Variants in GRAMD2B observed in about 807,000 individuals in gnomAD.
GRAMD2B encodes the protein GRAM domain containing 2B.
GRAMD2B carries 41 observed loss-of-function variants against 59.2 expected under a neutral mutation model. The observed-to-expected ratio is 0.69, with a 90% CI of 0.54 to 0.90. GRAMD2B has a LOEUF of 0.90. Ranked by LOEUF, GRAMD2B falls within the 40% of genes least tolerant of loss-of-function variation. GRAMD2B has a pLI of 0.00. For synonymous variants in GRAMD2B, 161 were observed against 182.7 expected, an observed-to-expected ratio of 0.88 and a Z score of 0.96; for missense variants, 424 against 500.5, an observed-to-expected ratio of 0.85 and a Z score of 1.46.
chr5:126,417,151 T>G (rs1373778462), intron 1 of GRAMD2B, among the ~76,000 whole-genome samples: 1 of 152,196 alleles, frequency 6.6e-6, no homozygotes, highest in Non-Finnish European at 1.5e-5. Flanking sequence ...CCCTAGTGAG[T>G]TGGTATTCAC....
chr5:126,419,417 G>A (rs907753415), upstream of GRAMD2B, among the ~76,000 whole-genome samples: 2 of 152,076 alleles, frequency 1.3e-5, no homozygotes, highest in Non-Finnish European at 2.9e-5. Flanking sequence ...ACAGCACTAG[G>A]AGGGTGGTGC....
chr5:126,409,822 G>A (rs1371501968), intron 1 of GRAMD2B, among the ~76,000 whole-genome samples: 1 of 152,154 alleles, frequency 6.6e-6, no homozygotes, highest in Non-Finnish European at 1.5e-5. Flanking sequence ...ATGGTTTTAG[G>A]TCTAATGTTT....
At chr5:126,399,070 T>G (rs993766169) in intron 1 of GRAMD2B, among the ~76,000 whole-genome samples, 1 of 152,212 alleles carries the variant, frequency 6.6e-6, no homozygotes, top group Non-Finnish European at 1.5e-5. Flanking sequence ...AGTATTCTGG[T>G]ACTGTTGAGT....
chr5:126,383,993 C>T (rs1250078902), intron 1 of GRAMD2B, among the ~76,000 whole-genome samples: 4 of 152,194 alleles, frequency 2.6e-5, no homozygotes, highest in South Asian at 2.1e-4. Context: ...TATAGGACAA[C>T]GAGGGAGATC....
intron 5 of GRAMD2B, 152 bp downstream of exon 5, chr5:126,473,520 A>T (rs1318110021): frequency 2.4e-6 from 1 of 424,716 alleles, no homozygotes. Flanking sequence ...AATACTATGC[A>T]TTCTAAATGC....
rs1769735359 is a variant in GRAMD2B at position 126,472,266 on chromosome 5, T to G, written c.344T>G (p.Leu115Trp). Residue 115 changes from leucine (L) to tryptophan (W), a missense_variant, in exon 4 of 14, where the codon TTG becomes TGG. Coordinates refer to ENST00000285689, the MANE Select transcript of GRAMD2B (RefSeq NM_023927.4). ...AAGGCCAATATGCACTTTCACAAGT[T>G]GTTTCTTAGTGTCCCAACGGAGGAA... Reference protein sequence around the residue: ...QYKANMHFHKLFLSVPTEEPL... With the variant: ...QYKANMHFHKWFLSVPTEEPL... The G allele has an allele frequency of 6.2e-7, 1 of 1,613,924 alleles. No individual in the cohort carries two copies. The highest frequency in any genetic ancestry group is 1.1e-5 in the South Asian group (1 of 91,086).
chr5:126,409,228 G>C (rs1758541167), intron 1 of GRAMD2B, among the ~76,000 whole-genome samples: 1 of 152,160 alleles, frequency 6.6e-6, no homozygotes, highest in East Asian at 1.9e-4. Flanking sequence ...AGGTCAAATA[G>C]TATTTCTAGT....
At chr5:126,468,469 T>G (rs2126806719) in intron 2 of GRAMD2B, among the ~76,000 whole-genome samples, 1 of 152,232 alleles carries the variant, frequency 6.6e-6, no homozygotes, top group African/African-American at 2.4e-5. Flanking sequence ...TTTCCTCTTC[T>G]ATTTATTTAC....
chr5:126,415,542 G>C (rs72782493), intron 1 of GRAMD2B, among the ~76,000 whole-genome samples: 2,634 of 152,218 alleles, frequency 0.017, 39 homozygotes, highest in Admixed American at 0.054. Flanking sequence ...GAGGGAAAGA[G>C]GGAGGGCTAC....
rs147604532 is a variant in GRAMD2B at position 126,411,841 on chromosome 5, G to GGTGT, written c.125+40291_125+40294dup. ...CACCACATTGGTTAGATATATTTCT[G>GGTGT]GTGTGTGTGTGTGTGTGTGTTTGTG... is the stretch of plus-strand genomic sequence containing the variant. On this transcript the variant is annotated intron_variant, in intron 1 of 8. Transcript: ENST00000506445. Among the ~76,000 whole-genome samples the GGTGT allele has an allele frequency of 6.4e-3, 953 of 148,870 alleles. 4 individuals carry two copies. Among genetic ancestry groups the GGTGT allele is most frequent in the African/African-American group, 9.6e-3 (386 of 40,334 alleles).
intron 1 of GRAMD2B, among the ~76,000 whole-genome samples, chr5:126,450,055 CT>C (rs1266671456): frequency 1.3e-5 from 2 of 151,840 alleles, no homozygotes; most frequent in African/African-American, 4.8e-5. Flanking sequence ...GGCTTTTGAT[CT>C]CTTTTTTTTT....
chr5:126,480,346 T>A, intron 6 of GRAMD2B, 110 bp from the exon 7 acceptor site: 1 of 670,080 alleles, frequency 1.5e-6, no homozygotes, highest in Non-Finnish European at 2.6e-6. Flanking sequence ...CAAAGAGAGG[T>A]CCATGTTGTT....
At chr5:126,389,021 CA>C (rs144788993) in intron 1 of GRAMD2B, among the ~76,000 whole-genome samples, 185 of 152,138 alleles carry the variant, frequency 1.2e-3, no homozygotes, top group Non-Finnish European at 2.0e-3. Context: ...TCTAAAAATA[CA>C]AAAAACCACA....
At chr5:126,402,457 C>A (rs1468381330) in intron 1 of GRAMD2B, among the ~76,000 whole-genome samples, 3 of 152,052 alleles carry the variant, frequency 2.0e-5, no homozygotes, top group Non-Finnish European at 4.4e-5. Context: ...CAGGACAACA[C>A]CAACCTCTTC....
rs867583799 is a variant in GRAMD2B at position 126,484,398 on chromosome 5, G to A, written c.848-4G>A. 1 of 1,612,826 alleles carries A rather than the reference G, an allele frequency of 6.2e-7. No homozygotes were observed. Among genetic ancestry groups the A allele is most frequent in the Non-Finnish European group, 8.5e-7 (1 of 1,179,628 alleles). Reference sequence around the variant, plus strand: ...ACTTACCCAGCTCTGTTTTGGCTTAGTAGATTTCCATGCGACAGAATCCCA... The same window carrying A: ...ACTTACCCAGCTCTGTTTTGGCTTAATAGATTTCCATGCGACAGAATCCCA... On this transcript the variant is annotated splice_polypyrimidine_tract_variant and splice_region_variant and intron_variant, in intron 9 of 13. Coordinates refer to ENST00000285689, the MANE Select transcript of GRAMD2B (RefSeq NM_023927.4).
chr5:126,376,883 C>T (rs1221402386), intron 1 of GRAMD2B, among the ~76,000 whole-genome samples: 6 of 151,818 alleles, frequency 4.0e-5, no homozygotes, highest in East Asian at 1.9e-4. Flanking sequence ...GAGGGGCAGG[C>T]TAAGACAGGA....
chr5:126,412,767 A>G (rs1046036971), intron 1 of GRAMD2B, among the ~76,000 whole-genome samples: 14 of 151,852 alleles, frequency 9.2e-5, no homozygotes, highest in African/African-American at 3.1e-4. Context: ...TAGGTTTTTT[A>G]TTACTGATTT....
chr5:126,485,592 C>G (rs1315282840), intron 10 of GRAMD2B, 94 bp from the exon 11 acceptor site: 1 of 674,748 alleles, frequency 1.5e-6, no homozygotes, highest in Non-Finnish European at 2.5e-6. Context: ...TACCTGGGAA[C>G]AATTACCTCT....
chr5:126,472,239 A>G lies in GRAMD2B; in HGVS notation c.317A>G (p.Tyr106Cys). The G allele has an allele frequency of 1.2e-6, 2 of 1,612,354 alleles. No homozygotes were observed. The highest frequency in any genetic ancestry group is 8.5e-7 in the Non-Finnish European group (1 of 1,178,376). Residue 106 changes from tyrosine to cysteine, a missense_variant and splice_region_variant, in exon 4 of 14, where the codon TAC becomes TGC. Coordinates refer to ENST00000285689, the MANE Select transcript of GRAMD2B (RefSeq NM_023927.4). ...ERKKSSSSSQ[Y>C]KANMHFHKLF... ...GCTTGTATTTTGTTCTCATTGTAGT[A>G]CAAGGCCAATATGCACTTTCACAAG...
Sources: gnomAD v4.1 joint callset for allele counts (sites outside exome capture counted in the v4.1 genomes callset) on GRCh38, gnomAD v4.1.1 for gene constraint, MANE v1.5 for transcripts, NCBI Gene and HGNC (gene_info 2026-07-23, HGNC 2026-07-21) for gene names.